The following C17orf75 variants were observed in gnomAD, a reference collection of about 807,000 sequenced individuals.
C17orf75 encodes the protein chromosome 17 open reading frame 75.
C17orf75 carries 32 observed loss-of-function variants against 49.6 expected under a neutral mutation model. The ratio of observed to expected loss-of-function variants is 0.65; its 90% confidence interval spans 0.49 to 0.87. The LOEUF is 0.87. C17orf75 is among the 40% of genes least tolerant of loss of function. The probability of loss-of-function intolerance (pLI) is 0.00; values close to 1 mark genes in which losing one functional copy is unlikely to be tolerated. For synonymous variants in C17orf75, 158 were observed against 159.5 expected (o/e 0.99, Z 0.07); for missense variants, 428 against 473.9 (o/e 0.90, Z 0.90).
intron 2 of C17orf75, chr17:32,340,984 G>A: frequency 3.5e-6 from 2 of 565,842 alleles, no homozygotes; most frequent in Middle Eastern, 2.8e-4. Flanking sequence ...TTTCTTTTTG[G>A]CTAATCACCA....
chr17:32,340,499 G>A (rs2041367935), intron 2 of C17orf75, among the ~76,000 whole-genome samples: 1 of 151,950 alleles, frequency 6.6e-6, no homozygotes, highest in South Asian at 2.1e-4. Context: ...AAAAAAATTA[G>A]CCGGGCGTGG....
In C17orf75 at chr17:32,332,085, G is replaced by A. The variant is rs2041279692; in HGVS notation, c.976-107C>T. 21 of 905,118 alleles carry A rather than the reference G, an allele frequency of 2.3e-5. No homozygotes were observed. In the South Asian group the frequency reaches 3.8e-4, roughly 16 times the overall value. 56.1% of individuals were successfully genotyped at this position (905,118 alleles called of 1,614,324 possible). A position where few individuals can be genotyped will look rare whatever the true frequency, so the allele number is the denominator to read the frequency against. On this transcript the variant is annotated intron_variant, in intron 9 of 9. Coordinates refer to ENST00000577809, the MANE Select transcript of C17orf75 (RefSeq NM_022344.4). ...CTCAACATATCTTCCTGAATTGTTT[G>A]CTTTTCATATTAAATATTTCCAAAA... is the stretch of plus-strand genomic sequence containing the variant.
At chr17:32,340,300 C>A (rs1407977184) in intron 2 of C17orf75, among the ~76,000 whole-genome samples, 2 of 152,084 alleles carry the variant, frequency 1.3e-5, no homozygotes, top group African/African-American at 2.4e-5. Flanking sequence ...ACATTCTTAT[C>A]TTTTTTATCT....
chr17:32,328,713 A>AC lies in C17orf75; in HGVS notation c.*3049dup, dbSNP rs2041251689. 1 of 152,014 alleles carries AC rather than the reference A, an allele frequency of 6.6e-6. No individual in the cohort carries two copies. Among genetic ancestry groups the AC allele is most frequent in the Non-Finnish European group, 1.5e-5 (1 of 68,034 alleles). 9.4% of individuals were successfully genotyped at this position (152,014 alleles called of 1,614,324 possible). A position where few individuals can be genotyped will look rare whatever the true frequency, so the allele number is the denominator to read the frequency against. ...AGACCATCCTGGCTAACACGGTGAA[A>AC]CCCCGTCTCTACTAAAAATACAAAA... On this transcript the variant is annotated 3_prime_UTR_variant, in exon 10 of 10. Transcript: ENST00000577809.
chr17:32,332,064 A>C lies in C17orf75; in HGVS notation c.976-86T>G, dbSNP rs546241080. On this transcript the variant is annotated intron_variant, in intron 9 of 9. Transcript: ENST00000577809. ...TAACTCCTATCCAGCTGAGAACTCAACATATCTTCCTGAATTGTTTGCTTT... is the reference window on the plus strand; with the variant it reads ...TAACTCCTATCCAGCTGAGAACTCACCATATCTTCCTGAATTGTTTGCTTT... The C allele has an allele frequency of 1.5e-4, 159 of 1,079,334 alleles. 1 individual carries two copies. The Middle Eastern group carries it at 3.4e-3, about 23-fold the overall frequency. 66.9% of individuals were successfully genotyped at this position (1,079,334 alleles called of 1,614,324 possible). A position where few individuals can be genotyped will look rare whatever the true frequency, so the allele number is the denominator to read the frequency against.
chr17:32,332,530 C>T (rs1478861477), intron 9 of C17orf75, among the ~76,000 whole-genome samples: 3 of 152,152 alleles, frequency 2.0e-5, no homozygotes, highest in Non-Finnish European at 4.4e-5. Context: ...TTGGGAGCCC[C>T]AGGCAAAAGG....
At chr17:32,334,397 T>A in intron 8 of C17orf75, 72 bp downstream of exon 8, 1 of 1,517,340 alleles carries the variant, frequency 6.6e-7, no homozygotes, top group Non-Finnish European at 8.8e-7. Flanking sequence ...TAAGGTTGTA[T>A]CATAGGCTCT....
At chr17:32,346,832 CAACT>C (rs2041428921), upstream of C17orf75, among the ~76,000 whole-genome samples, 1 of 152,210 alleles carries the variant, frequency 6.6e-6, no homozygotes, top group Admixed American at 6.5e-5. Flanking sequence ...CTAAGCCTCC[CAACT>C]AACAGCAATA....
chr17:32,339,909 G>C lies in C17orf75; in HGVS notation c.251C>G (p.Ser84Cys), dbSNP rs369286987. The C allele has an allele frequency of 6.2e-7, 1 of 1,613,866 alleles. No individual in the cohort carries two copies. Among genetic ancestry groups the C allele is most frequent in the African/African-American group, 1.3e-5 (1 of 74,914 alleles). Residue 84 changes from serine (S) to cysteine (C), a missense_variant, in exon 3 of 10, where the codon TCC (serine) becomes TGC (cysteine). By Grantham distance (112) the Ser-to-Cys change is moderately radical. Coordinates refer to ENST00000577809, the MANE Select transcript of C17orf75 (RefSeq NM_022344.4). ...ACTGCGCAGCTCTGGCTCCACTTCG[G>C]ATGGTAGATTAGTATCTGCCAAGGA... ...SLSLADTNLP[S>C]EVEPELRSFI...
intron 9 of C17orf75, 144 bp from the exon 10 acceptor site, chr17:32,332,122 G>A: frequency 1.4e-6 from 1 of 711,818 alleles, no homozygotes; most frequent in Non-Finnish European, 2.3e-6. Flanking sequence ...TTAAATTGCA[G>A]TATGCTTTGC....
chr17:32,345,157 C>T (rs1487228479), upstream of C17orf75, among the ~76,000 whole-genome samples: 1 of 151,976 alleles, frequency 6.6e-6, no homozygotes, highest in Non-Finnish European at 1.5e-5. Context: ...ATTGTATTTT[C>T]ACATTTGATT....
Position 32,331,930 on chromosome 17 carries a change from T to C in C17orf75, c.1024A>G (p.Met342Val). The stretch of plus-strand genomic sequence containing the variant: ...CATTTAAACAAAGCATAATGATTCA[T>C]TTCTGCCTGTCGGATAAATCTCTTC... ...NLKRFIRQAE[M>V]NHYALFKCYM... Residue 342 changes from methionine (M) to valine (V), a missense_variant, in exon 10 of 10, where the codon ATG (methionine) becomes GTG (valine). Met to Val is a conservative substitution (Grantham distance 21, BLOSUM62 1). Coordinates refer to ENST00000577809, the MANE Select transcript of C17orf75 (RefSeq NM_022344.4). 6.2e-7 allele frequency: 1 copy of C among 1,613,460 alleles called. No individual in the cohort carries two copies. The highest frequency in any genetic ancestry group is 2.2e-5 in the East Asian group (1 of 44,820).
intron 2 of C17orf75, among the ~76,000 whole-genome samples, chr17:32,340,511 G>T (rs1384658786): frequency 6.6e-6 from 1 of 151,980 alleles, no homozygotes; most frequent in Admixed American, 6.6e-5. Flanking sequence ...CGGGCGTGGT[G>T]GTGGGTGCCT....
At chr17:32,340,670 C>T (rs992360936) in intron 2 of C17orf75, among the ~76,000 whole-genome samples, 1 of 151,274 alleles carries the variant, frequency 6.6e-6, no homozygotes, top group African/African-American at 2.4e-5. Context: ...TTTTTCAGGG[C>T]TGGGCAAGGT....
intron 8 of C17orf75, among the ~76,000 whole-genome samples, chr17:32,334,231 A>G (rs8069673): frequency 0.6 from 91,902 of 152,076 alleles, 28,807 homozygotes; most frequent in African/African-American, 0.71. Flanking sequence ...TTTAAAATTC[A>G]TCTCCTTGTG....
intron 2 of C17orf75, 104 bp from the exon 3 acceptor site, chr17:32,340,042 G>T: frequency 7.2e-7 from 1 of 1,381,540 alleles, no homozygotes; most frequent in East Asian, 2.4e-5. Context: ...TTAAGGACTG[G>T]GGAAAGCTGT....
chr17:32,338,139 AGTAATATTCTT>A, intron 4 of C17orf75, 58 bp downstream of exon 4: 1 of 1,579,682 alleles, frequency 6.3e-7, no homozygotes, highest in East Asian at 2.2e-5. Context: ...GGAGGTTGGT[AGTAATATTCTT>A]CCACCTGCCT....
chr17:32,339,586 C>CA (rs1248976805), intron 3 of C17orf75, among the ~76,000 whole-genome samples: 16 of 150,462 alleles, frequency 1.1e-4, no homozygotes, highest in South Asian at 6.3e-4. Context: ...GACCCTGTCT[C>CA]AAAAAAAAAT....
intron 9 of C17orf75, among the ~76,000 whole-genome samples, chr17:32,332,435 C>T (rs574885481): frequency 3.3e-5 from 5 of 152,312 alleles, no homozygotes; most frequent in South Asian, 2.1e-4. Flanking sequence ...AGCCACCACG[C>T]GCAGCCAAAA....
Sources: allele counts gnomAD v4.1 joint callset (sites outside exome capture counted in the v4.1 genomes callset), GRCh38; gene constraint gnomAD v4.1.1; transcripts MANE v1.5; gene names NCBI Gene and HGNC (gene_info 2026-07-23, HGNC 2026-07-21).